INO80C: variants seen among roughly 807,000 people sequenced by gnomAD.
INO80C encodes the protein INO80 complex subunit C.
In INO80C, 17 loss-of-function variants were observed where a neutral mutation model predicts 17.7. The observed-to-expected ratio is 0.96, with a 90% CI of 0.66 to 1.44. The LOEUF is 1.44. INO80C is among the 40% of genes most tolerant of loss of function. The pLI, the probability that INO80C is intolerant of heterozygous loss-of-function variation, is 0.00. For synonymous variants in INO80C, 96 were observed against 95.8 expected (o/e 1.00, Z -0.01); for missense variants, 244 against 245.0 (o/e 1.00, Z 0.03).
rs113140097 is a variant in INO80C at position 35,492,042 on chromosome 18, C to G, written c.156+5677G>C. ...AACCCAAATCAATGGCTTCATCTCT[C>G]CAGACAGTAGTGTGCTTGACTCTGA... On this transcript the variant is annotated intron_variant, in intron 1 of 4. Coordinates refer to ENST00000334598, the MANE Select transcript of INO80C (RefSeq NM_194281.4). 1.9e-4 allele frequency among the ~76,000 whole-genome samples: 29 copies of G among 152,300 alleles called. 1 individual carries two copies. Among genetic ancestry groups the G allele is most frequent in the African/African-American group, 6.5e-4 (27 of 41,548 alleles).
chr18:35,486,023 A>G (rs2045870487), intron 1 of INO80C, among the ~76,000 whole-genome samples: 1 of 152,210 alleles, frequency 6.6e-6, no homozygotes, highest in South Asian at 2.1e-4. Flanking sequence ...CAGCTACTCC[A>G]GAGGCTGAGG....
intron 1 of INO80C, among the ~76,000 whole-genome samples, chr18:35,484,759 C>T (rs1437493117): frequency 6.6e-6 from 1 of 152,132 alleles, no homozygotes; most frequent in African/African-American, 2.4e-5. Context: ...GTCCTGGAAC[C>T]AATCCAGCAC....
intron 4 of INO80C, among the ~76,000 whole-genome samples, chr18:35,470,263 T>C (rs949850248): frequency 6.6e-6 from 1 of 152,212 alleles, no homozygotes; most frequent in Admixed American, 6.5e-5. Flanking sequence ...TCTTCCATTT[T>C]GCCACTGGGA....
Position 35,471,600 on chromosome 18 carries a change from C to CT in INO80C, c.448-2859dup, listed in dbSNP as rs560644307. ...ATGAAGTTCTTTGTGCACACTATTTCTTTTTTTTTTAATTTTATTATTATT... is the reference window on the plus strand; with the variant it reads ...ATGAAGTTCTTTGTGCACACTATTTCTTTTTTTTTTTAATTTTATTATTATT... On this transcript the variant is annotated intron_variant, in intron 4 of 4. Coordinates refer to ENST00000334598, the MANE Select transcript of INO80C (RefSeq NM_194281.4). 1.3e-3 allele frequency among the ~76,000 whole-genome samples: 201 copies of CT among 149,416 alleles called. 1 individual carries two copies. Among genetic ancestry groups the CT allele is most frequent in the Middle Eastern group, 6.9e-3 (2 of 288 alleles).
chr18:35,494,359 A>C (rs2045958737), intron 1 of INO80C, among the ~76,000 whole-genome samples: 1 of 152,212 alleles, frequency 6.6e-6, no homozygotes, highest in South Asian at 2.1e-4. Context: ...AGATGTAATT[A>C]AGGTCTCAAA....
chr18:35,478,485 GAGATT>G (rs2045765107), intron 3 of INO80C, 136 bp from the exon 4 acceptor site: 1 of 687,916 alleles, frequency 1.5e-6, no homozygotes, highest in Admixed American at 3.0e-5. Flanking sequence ...GAAGTCTCTG[GAGATT>G]AACTAGAGAA....
At chr18:35,490,085 A>C in intron 1 of INO80C, among the ~76,000 whole-genome samples, 1 of 152,068 alleles carries the variant, frequency 6.6e-6, no homozygotes, top group East Asian at 1.9e-4. Flanking sequence ...CTGGTTCCTG[A>C]GAAGGAAGGT....
intron 1 of INO80C, among the ~76,000 whole-genome samples, chr18:35,485,268 C>G (rs2045859801): frequency 6.6e-6 from 1 of 152,136 alleles, no homozygotes; most frequent in Non-Finnish European, 1.5e-5. Context: ...GACACGGGAG[C>G]CAGTTTGAAG....
At chr18:35,491,459 G>A (rs550876292) in intron 1 of INO80C, among the ~76,000 whole-genome samples, 43 of 152,286 alleles carry the variant, frequency 2.8e-4, no homozygotes, top group African/African-American at 9.9e-4. Context: ...GCTGAAGAGA[G>A]GGCAGAGAAA....
chr18:35,497,603 C>T (rs955174990), intron 1 of INO80C, 116 bp downstream of exon 1: 9 of 1,453,960 alleles, frequency 6.2e-6, no homozygotes, highest in East Asian at 5.2e-5. Context: ...GTCTTTCAAC[C>T]CCAACGGAGA....
At chr18:35,484,157 G>A (rs1419151097) in intron 1 of INO80C, among the ~76,000 whole-genome samples, 2 of 152,134 alleles carry the variant, frequency 1.3e-5, no homozygotes, top group Non-Finnish European at 2.9e-5. Flanking sequence ...AGGGGCACAT[G>A]TTAATAATTC....
At chr18:35,495,386 C>A (rs1276387286) in intron 1 of INO80C, among the ~76,000 whole-genome samples, 1 of 152,180 alleles carries the variant, frequency 6.6e-6, no homozygotes, top group African/African-American at 2.4e-5. Context: ...TGTCCTCCAG[C>A]CTGGGTGACA....
At position 35,468,815 on chromosome 18, in the gene INO80C, A is replaced by T. The variant is rs1023107440; in HGVS notation, c.448-73T>A. On this transcript the variant is annotated intron_variant, in intron 4 of 4. Coordinates refer to ENST00000334598, the MANE Select transcript of INO80C (RefSeq NM_194281.4). ...GGATATTTTAAGTTCAAGTTTAAAA[A>T]TTTTTTCTATTTCACTGAAAGTGAT... 285 of 1,389,716 alleles carry T rather than the reference A, an allele frequency of 2.1e-4. No homozygotes were observed. In the African/African-American group the frequency reaches 3.7e-3, roughly 18 times the overall value. The allele number at this position is 1,389,716 out of a possible 1,614,324, so 86.1% of individuals were successfully genotyped here.
intron 4 of INO80C, among the ~76,000 whole-genome samples, chr18:35,475,890 T>G (rs186018414): frequency 5.9e-4 from 90 of 151,754 alleles, no homozygotes; most frequent in African/African-American, 2.2e-3. Flanking sequence ...TTTCTTATTT[T>G]TATTTCTCTA....
rs763997140 is a variant in INO80C at position 35,478,396 on chromosome 18, T to A, written c.380-47A>T. 3.0e-6 allele frequency: 4 copies of A among 1,343,492 alleles called. No homozygotes were observed. The East Asian group carries it at 9.5e-5, about 32-fold the overall frequency. The allele number at this position is 1,343,492 out of a possible 1,614,324, so 83.2% of individuals were successfully genotyped here. A position where few individuals can be genotyped will look rare whatever the true frequency, so the allele number is the denominator to read the frequency against. On this transcript the variant is annotated intron_variant, in intron 3 of 4. Coordinates refer to ENST00000334598, the MANE Select transcript of INO80C (RefSeq NM_194281.4). Reference sequence around the variant, plus strand: ...GATAACTAAACTGAACTGAAAACATTCAAATCCCTTCTCTTTTTTTTTCTA... The same window carrying A: ...GATAACTAAACTGAACTGAAAACATACAAATCCCTTCTCTTTTTTTTTCTA...
At chr18:35,482,078 T>C (rs778312272) in intron 1 of INO80C, among the ~76,000 whole-genome samples, 12 of 152,222 alleles carry the variant, frequency 7.9e-5, no homozygotes, top group Non-Finnish European at 1.3e-4. Flanking sequence ...GCCTCTGTGA[T>C]GTTTTCATTT....
At chr18:35,477,334 C>T (rs2144041946) in intron 4 of INO80C, among the ~76,000 whole-genome samples, 1 of 152,314 alleles carries the variant, frequency 6.6e-6, no homozygotes, top group South Asian at 2.1e-4. Flanking sequence ...ACAAAGTAGA[C>T]TTCAGAACAA....
chr18:35,483,617 T>C (rs988991475), intron 1 of INO80C: 1 of 152,196 alleles, frequency 6.6e-6, no homozygotes, highest in African/African-American at 2.4e-5. Context: ...GAGTGATTCA[T>C]TGATTAACTG....
At chr18:35,480,406 AG>A in intron 2 of INO80C, 46 bp downstream of exon 2, 1 of 1,263,158 alleles carries the variant, frequency 7.9e-7, no homozygotes, top group Non-Finnish European at 1.2e-6. Flanking sequence ...TCAGAGGCTG[AG>A]GTGTGGCATT....
Sources: allele counts gnomAD v4.1 joint callset (sites outside exome capture counted in the v4.1 genomes callset), GRCh38; gene constraint gnomAD v4.1.1; transcripts MANE v1.5; gene names NCBI Gene and HGNC (gene_info 2026-07-23, HGNC 2026-07-21).